Variants in ORC4 observed in about 807,000 individuals in gnomAD.
ORC4 encodes the protein origin recognition complex, subunit 4 homolog.
In ORC4, 55 loss-of-function variants were observed where a neutral mutation model predicts 63.9. That is an observed-to-expected ratio of 0.86 (90% CI 0.69 to 1.08). The LOEUF (loss-of-function observed/expected upper bound fraction) is 1.08, where lower values mean the gene tolerates loss of function less well. Among genes scored for constraint, ORC4 ranks in the 50% least tolerant of loss-of-function variants. The probability of loss-of-function intolerance (pLI) is 0.00; values close to 1 mark genes in which losing one functional copy is unlikely to be tolerated. For synonymous variants in ORC4, 150 were observed against 168.5 expected (o/e 0.89, Z 0.85); for missense variants, 511 against 504.4 (o/e 1.01, Z -0.13).
intron 4 of ORC4, among the ~76,000 whole-genome samples, chr2:147,964,015 C>T (rs1689753908): frequency 6.6e-6 from 1 of 152,024 alleles, no homozygotes; most frequent in Non-Finnish European, 1.5e-5. Context: ...ACTTTTCTAC[C>T]TGAGGCGTAT....
At chr2:147,942,054 C>T (rs776507885) in intron 10 of ORC4, among the ~76,000 whole-genome samples, 4 of 151,934 alleles carry the variant, frequency 2.6e-5, no homozygotes, top group South Asian at 2.1e-4. Context: ...GTGTGACCTT[C>T]GGCAAGTTAC....
chr2:147,938,307 C>T lies in ORC4; in HGVS notation c.1045G>A (p.Val349Ile). ...YEEEPFNFQM[V>I]YNEFQKFVQR... ...TTAAGTCTCATCTCACCATTATAGA[C>T]CATTTGAAAATTAAATGGCTCTTCC... The change falls in exon 12 of 14, where the codon GTC becomes ATC. Residue 349 changes from valine (V) to isoleucine (I), a missense_variant. Val to Ile is a conservative substitution (Grantham distance 29). Coordinates refer to ENST00000392857, the MANE Select transcript of ORC4 (RefSeq NM_181741.4). The T allele has an allele frequency of 6.2e-7, 1 of 1,602,482 alleles. No homozygotes were observed. The highest frequency in any genetic ancestry group is 8.5e-7 in the Non-Finnish European group (1 of 1,170,176).
At chr2:147,990,514 T>G (rs1471050702) in intron 1 of ORC4, among the ~76,000 whole-genome samples, 3 of 152,204 alleles carry the variant, frequency 2.0e-5, no homozygotes, top group African/African-American at 4.8e-5. Context: ...ATAAGTAAAC[T>G]CTGTTAGTTC....
At chr2:147,995,996 T>C (rs1031758146) in intron 1 of ORC4, among the ~76,000 whole-genome samples, 3 of 143,632 alleles carry the variant, frequency 2.1e-5, no homozygotes, top group Non-Finnish European at 4.5e-5. Context: ...CAAGACTCCA[T>C]CTCAAAAAAA....
chr2:147,972,420 T>G (rs1690270109), intron 4 of ORC4, among the ~76,000 whole-genome samples: 1 of 152,074 alleles, frequency 6.6e-6, no homozygotes, highest in Non-Finnish European at 1.5e-5. Context: ...TACATGCTAT[T>G]TTCTTTTTCC....
chr2:147,977,076 T>G (rs1046252517), intron 1 of ORC4, among the ~76,000 whole-genome samples: 2 of 152,206 alleles, frequency 1.3e-5, no homozygotes, highest in African/African-American at 2.4e-5. Context: ...GCTTTGCATT[T>G]ATCAACTCAT....
intron 2 of ORC4, among the ~76,000 whole-genome samples, chr2:147,974,349 G>T (rs1017023948): frequency 6.6e-6 from 1 of 152,050 alleles, no homozygotes; most frequent in Non-Finnish European, 1.5e-5. Flanking sequence ...GATTAAAAAA[G>T]GGGGCTGGCC....
intron 1 of ORC4, among the ~76,000 whole-genome samples, chr2:147,995,853 G>T (rs1268106052): frequency 6.6e-6 from 1 of 152,154 alleles, no homozygotes; most frequent in East Asian, 1.9e-4. Context: ...AAGTCAGCGA[G>T]ACGAAGAACC....
chr2:147,987,560 T>C (rs1691293993), intron 1 of ORC4, among the ~76,000 whole-genome samples: 1 of 152,032 alleles, frequency 6.6e-6, no homozygotes, highest in Non-Finnish European at 1.5e-5. Context: ...AGCATCTTAC[T>C]AGTAATTACG....
intron 3 of ORC4, 33 bp from the exon 4 acceptor site, chr2:147,972,862 A>T (rs764232138): frequency 7.2e-7 from 1 of 1,394,176 alleles, no homozygotes; most frequent in Non-Finnish European, 1.0e-6. Flanking sequence ...AAATTTTAAA[A>T]ATGAAGCTGG....
rs777202774 is a variant in ORC4 at position 147,970,238 on chromosome 2, T to C, written c.225+2501A>G. On this transcript the variant is annotated intron_variant, in intron 4 of 13. Transcript: ENST00000392857. Reference sequence around the variant, plus strand: ...ATACTCCAAGAACGGGAAGACTAAATATAGTTAAGATGTCCATTCTTCCTA... The same window carrying C: ...ATACTCCAAGAACGGGAAGACTAAACATAGTTAAGATGTCCATTCTTCCTA... Among the ~76,000 whole-genome samples, 4 of 152,186 alleles carry C rather than the reference T, an allele frequency of 2.6e-5. No individual in the cohort carries two copies. In the South Asian group the frequency reaches 8.3e-4, roughly 32 times the overall value.
intron 4 of ORC4, 80 bp downstream of exon 4, chr2:147,972,659 T>C: frequency 1.4e-6 from 1 of 699,192 alleles, no homozygotes; most frequent in Non-Finnish European, 2.3e-6. Context: ...TAAAATAAGA[T>C]TTATATATGA....
intron 1 of ORC4, among the ~76,000 whole-genome samples, chr2:148,018,923 A>C (rs1693485458): frequency 6.6e-6 from 1 of 152,226 alleles, no homozygotes; most frequent in Non-Finnish European, 1.5e-5. Context: ...CAGCGCTTAC[A>C]TAGAGTTCAC....
chr2:147,984,931 T>C (rs1691105703), intron 1 of ORC4, among the ~76,000 whole-genome samples: 1 of 152,222 alleles, frequency 6.6e-6, no homozygotes, highest in African/African-American at 2.4e-5. Flanking sequence ...ATTTTTCAAC[T>C]GAGGTGGCTT....
rs772559533 is a variant in ORC4, at chr2:147,934,419, T to C, written c.*1091A>G. On this transcript the variant is annotated 3_prime_UTR_variant, in exon 14 of 14. Coordinates refer to ENST00000392857, the MANE Select transcript of ORC4 (RefSeq NM_181741.4). ...ACATTTCCACATTCCTCATAGGGAT[T>C]TACTTTTTAATACAAACAGGTTCAG... 4 of 152,180 alleles carry C rather than the reference T, an allele frequency of 2.6e-5. No individual in the cohort carries two copies. Among genetic ancestry groups the C allele is most frequent in the African/African-American group, 4.8e-5 (2 of 41,456 alleles). The allele number at this position is 152,180 out of a possible 1,614,324, so 9.4% of individuals were successfully genotyped here.
At chr2:147,953,794 G>A (rs1689102943) in intron 7 of ORC4, among the ~76,000 whole-genome samples, 1 of 152,004 alleles carries the variant, frequency 6.6e-6, no homozygotes, top group Admixed American at 6.6e-5. Context: ...TTATATTTGT[G>A]TTAAAAAGTG....
At chr2:147,980,253 T>C (rs1690799568) in intron 1 of ORC4, among the ~76,000 whole-genome samples, 1 of 152,030 alleles carries the variant, frequency 6.6e-6, no homozygotes, top group African/African-American at 2.4e-5. Context: ...AAAATTAATA[T>C]AAATTTTAAA....
chr2:147,958,448 T>C (rs1689390369), intron 5 of ORC4, 65 bp from the exon 6 acceptor site: 2 of 1,207,582 alleles, frequency 1.7e-6, no homozygotes, highest in Admixed American at 3.5e-5. Flanking sequence ...CAGCAGGTTG[T>C]TTTCCAGTTA....
At chr2:148,005,471 C>T (rs1475700524) in intron 1 of ORC4, among the ~76,000 whole-genome samples, 1 of 151,592 alleles carries the variant, frequency 6.6e-6, no homozygotes, top group Non-Finnish European at 1.5e-5. Flanking sequence ...GTTAATGACA[C>T]GTGTATACCT....
Sources: gnomAD v4.1 joint callset for allele counts (sites outside exome capture counted in the v4.1 genomes callset) on GRCh38, gnomAD v4.1.1 for gene constraint, MANE v1.5 for transcripts, NCBI Gene and HGNC (gene_info 2026-07-23, HGNC 2026-07-21) for gene names.